The following RAB3GAP1 variants were observed in gnomAD, a reference collection of about 807,000 sequenced individuals.
The protein encoded by RAB3GAP1 is RAB3 GTPase activating protein catalytic subunit 1, also known as rab3 GTPase-activating protein catalytic subunit.
A neutral mutation model predicts 130.7 loss-of-function variants in RAB3GAP1; 86 were observed. The ratio of observed to expected loss-of-function variants is 0.66; its 90% CI spans 0.55 to 0.79. The LOEUF (loss-of-function observed/expected upper bound fraction) is 0.79. Among genes scored for constraint, RAB3GAP1 ranks in the 30% least tolerant of loss-of-function variants. The pLI is 0.00. For synonymous variants in RAB3GAP1, 367 were observed against 401.7 expected (o/e 0.91, Z 1.03); for missense variants, 1,029 against 1,169.4 (o/e 0.88, Z 1.75).
chr2:135,052,473 C>T lies in RAB3GAP1; in HGVS notation c.62C>T (p.Ser21Leu). ...VFEITDFTTA[S>L]EWERFISKVE... The stretch of plus-strand genomic sequence containing the variant: ...GAGATCACGGACTTCACCACTGCCT[C>T]GGAATGGGAAAGGTGAGTGAATCGC... Residue 21 changes from serine to leucine, a missense_variant, in exon 2 of 24, where the codon TCG becomes TTG. Around this residue, in one of 3 missense-constraint regions of RAB3GAP1, gnomAD observed 510 missense variants for 532.1 expected, o/e 0.96. Coordinates refer to ENST00000264158, the MANE Select transcript of RAB3GAP1 (RefSeq NM_012233.3). 2.5e-6 allele frequency: 4 copies of T among 1,613,834 alleles called. No individual in the cohort carries two copies. The highest frequency in any genetic ancestry group is 2.5e-6 in the Non-Finnish European group (3 of 1,180,034).
chr2:135,074,331 A>T (rs1397001737), intron 3 of RAB3GAP1, among the ~76,000 whole-genome samples: 1 of 152,210 alleles, frequency 6.6e-6, no homozygotes, highest in African/African-American at 2.4e-5. Context: ...AACAGAAAGG[A>T]CAGGAGAGAG....
chr2:135,113,782 C>T (rs1382397654), intron 6 of RAB3GAP1, among the ~76,000 whole-genome samples: 4 of 152,016 alleles, frequency 2.6e-5, no homozygotes, highest in Non-Finnish European at 5.9e-5. Flanking sequence ...CTCTGTTGCC[C>T]AGGCTGGAGT....
chr2:135,135,239 T>C (rs1353305683), intron 15 of RAB3GAP1, 26 bp from the exon 16 acceptor site: 2 of 1,587,078 alleles, frequency 1.3e-6, no homozygotes, highest in East Asian at 4.5e-5. Context: ...AACTAAGCTT[T>C]CTTTTCTCCT....
At chr2:135,106,022 G>A (rs1284711403) in intron 5 of RAB3GAP1, among the ~76,000 whole-genome samples, 1 of 151,564 alleles carries the variant, frequency 6.6e-6, no homozygotes, top group East Asian at 2.0e-4. Flanking sequence ...GAAGTGAGGA[G>A]CCCCTCCGCC....
At chr2:135,052,615 C>T (rs1455687573) in intron 2 of RAB3GAP1, 130 bp downstream of exon 2, 9 of 1,069,428 alleles carry the variant, frequency 8.4e-6, no homozygotes, top group South Asian at 1.3e-5. Flanking sequence ...TCCCGGGTCT[C>T]CTCCCCCAGT....
chr2:135,133,927 T>A lies in RAB3GAP1; in HGVS notation c.1393T>A (p.Cys465Ser), dbSNP rs1691614075. Residue 465 changes from cysteine (C) to serine (S), a missense_variant, in exon 15 of 24, where the codon TGT (cysteine) becomes AGT (serine). Cys to Ser is a moderately radical substitution (Grantham distance 112, BLOSUM62 -1). Transcript: ENST00000264158. ...AACATACAAACTGGCTTTGTGTCTC[T>A]GTATGATCAATTTTTACCATGGAGG... is the stretch of plus-strand genomic sequence containing the variant. Reference protein sequence around the residue: ...SLTYKLALCLCMINFYHGGLK... With the variant: ...SLTYKLALCLSMINFYHGGLK... 6.2e-7 allele frequency: 1 copy of A among 1,613,796 alleles called. No homozygotes were observed. The highest frequency in any genetic ancestry group is 1.7e-5 in the Admixed American group (1 of 60,018).
downstream of RAB3GAP1, among the ~76,000 whole-genome samples, chr2:135,173,227 G>A (rs544315313): frequency 3.2e-4 from 49 of 152,056 alleles, 1 homozygote; most frequent in South Asian, 0.01. Flanking sequence ...CTTAAGGAAA[G>A]GGTTAGGGCT....
chr2:135,120,793 G>T (rs913264090), intron 7 of RAB3GAP1, 26 bp from the exon 8 acceptor site: 1 of 1,466,232 alleles, frequency 6.8e-7, no homozygotes, highest in African/African-American at 1.4e-5. Context: ...CATTTACACG[G>T]TATTGTCTTT....
At chr2:135,068,211 G>A (rs1558760426) in intron 3 of RAB3GAP1, among the ~76,000 whole-genome samples, 1 of 152,024 alleles carries the variant, frequency 6.6e-6, no homozygotes, top group African/African-American at 2.4e-5. Context: ...AATATATTCT[G>A]GCTGAAAAAG....
At chr2:135,174,592 G>T (rs536028512), downstream of RAB3GAP1, among the ~76,000 whole-genome samples, 2 of 152,206 alleles carry the variant, frequency 1.3e-5, no homozygotes, top group Non-Finnish European at 2.9e-5. Context: ...GCCACAGGAC[G>T]ATTTGAGTAA....
intron 15 of RAB3GAP1, 109 bp downstream of exon 15, chr2:135,134,142 C>A: frequency 8.0e-7 from 1 of 1,244,186 alleles, no homozygotes; most frequent in Non-Finnish European, 1.2e-6. Flanking sequence ...AAGAAAGTGG[C>A]AAGAAGCTTA....
At chr2:135,146,187 T>A (rs1691986306) in intron 17 of RAB3GAP1, among the ~76,000 whole-genome samples, 1 of 150,080 alleles carries the variant, frequency 6.7e-6, no homozygotes, top group Non-Finnish European at 1.5e-5. Flanking sequence ...AGTGTATAAG[T>A]GCATATTTGT....
chr2:135,144,607 A>C (rs1691943978), intron 17 of RAB3GAP1, among the ~76,000 whole-genome samples: 2 of 152,222 alleles, frequency 1.3e-5, no homozygotes, highest in Admixed American at 6.5e-5. Flanking sequence ...GCTTTCAACT[A>C]TCTTTGTTTG....
intron 3 of RAB3GAP1, among the ~76,000 whole-genome samples, chr2:135,072,051 CA>C (rs1689489833): frequency 6.6e-6 from 1 of 152,124 alleles, no homozygotes; most frequent in African/African-American, 2.4e-5. Context: ...TAGCTGCGAC[CA>C]CAGGTGTGCA....
intron 23 of RAB3GAP1, chr2:135,165,281 T>A: frequency 2.5e-6 from 1 of 392,810 alleles, no homozygotes; most frequent in Non-Finnish European, 4.9e-6. Context: ...GATTTTAAAA[T>A]TATATTGTAT....
intron 8 of RAB3GAP1, among the ~76,000 whole-genome samples, chr2:135,122,401 T>C (rs1016913555): frequency 4.6e-5 from 7 of 152,192 alleles, no homozygotes; most frequent in African/African-American, 1.7e-4. Flanking sequence ...TACTCTCTTA[T>C]AAAGCAGTTT....
At chr2:135,117,696 GCTTCTTCTGCTTCTGCTT>G (rs1691056129) in intron 7 of RAB3GAP1, among the ~76,000 whole-genome samples, 1 of 19,824 alleles carries the variant, frequency 5.0e-5, no homozygotes, top group Admixed American at 4.7e-4. Context: ...TTCTTCTTCT[GCTTCTTCTGCTTCTGCTT>G]CTTCTTCTGC....
downstream of RAB3GAP1, among the ~76,000 whole-genome samples, chr2:135,171,110 A>G (rs1319304190): frequency 6.6e-6 from 1 of 151,854 alleles, no homozygotes; most frequent in African/African-American, 2.4e-5. Flanking sequence ...CAAGCAGAGG[A>G]ACGGAATGGG....
chr2:135,159,101 C>T (rs924351176), intron 19 of RAB3GAP1, among the ~76,000 whole-genome samples: 12 of 152,078 alleles, frequency 7.9e-5, no homozygotes, highest in African/African-American at 2.4e-4. Flanking sequence ...AAATAAATAT[C>T]CTTGAGTTCA....
Sources: gnomAD v4.1 joint callset for allele counts (sites outside exome capture counted in the v4.1 genomes callset) on GRCh38, gnomAD v4.1.1 for gene constraint, gnomAD v4.1.1 regional missense constraint, MANE v1.5 for transcripts, NCBI Gene and HGNC (gene_info 2026-07-23, HGNC 2026-07-21) for gene names.